Variants in PCDH15 observed in about 807,000 individuals in gnomAD.
PCDH15 encodes the protein protocadherin-15.
In PCDH15, 129 loss-of-function variants were observed where a neutral mutation model predicts 178.5. The ratio of observed to expected loss-of-function variants is 0.72; its 90% CI spans 0.63 to 0.84. The LOEUF is 0.84. PCDH15 is among the 40% of genes least tolerant of loss of function. PCDH15 has a pLI of 0.00. For synonymous variants in PCDH15, 800 were observed against 732.0 expected (o/e 1.09, Z -1.50); for missense variants, 2,230 against 2,099.9 (o/e 1.06, Z -1.21).
At chr10:54,407,535 T>G (rs922704763) in intron 3 of PCDH15, among the ~76,000 whole-genome samples, 1 of 152,072 alleles carries the variant, frequency 6.6e-6, no homozygotes, top group African/African-American at 2.4e-5. Context: ...TTTAAAACTC[T>G]TAAGCTAAAA....
chr10:54,975,785 A>G (rs1197105334), intron 2 of PCDH15, among the ~76,000 whole-genome samples: 12 of 152,174 alleles, frequency 7.9e-5, no homozygotes, highest in Admixed American at 7.9e-4. Flanking sequence ...AAAACACTGT[A>G]GAATAGAAAA....
At chr10:55,176,312 C>G (rs150287580) in intron 1 of PCDH15, among the ~76,000 whole-genome samples, 46 of 152,194 alleles carry the variant, frequency 3.0e-4, no homozygotes, top group African/African-American at 1.1e-3. Context: ...AAACTTAACT[C>G]CTCAGCTAGG....
At chr10:54,948,324 A>AT (rs1838242505) in intron 2 of PCDH15, among the ~76,000 whole-genome samples, 2 of 151,926 alleles carry the variant, frequency 1.3e-5, no homozygotes, top group Non-Finnish European at 2.9e-5. Flanking sequence ...ACAAGAGGAG[A>AT]TTCCCCTTAG....
chr10:55,080,575 C>T (rs535341486), intron 2 of PCDH15, among the ~76,000 whole-genome samples: 7 of 152,146 alleles, frequency 4.6e-5, no homozygotes, highest in African/African-American at 1.4e-4. Flanking sequence ...ATTATTTGGT[C>T]CCTGGCTGCT....
At chr10:55,143,522 A>T (rs115834026) in intron 2 of PCDH15, among the ~76,000 whole-genome samples, 3,140 of 152,184 alleles carry the variant, frequency 0.021, 120 homozygotes, top group African/African-American at 0.071. Flanking sequence ...TTCCTTTTGA[A>T]TTGAGAGTGT....
intron 2 of PCDH15, among the ~76,000 whole-genome samples, chr10:54,918,761 G>T (rs991021219): frequency 6.6e-6 from 1 of 152,060 alleles, no homozygotes; most frequent in African/African-American, 2.4e-5. Flanking sequence ...AGTATATATT[G>T]TTCTCCTTAG....
At chr10:54,293,203 ACAAG>A (rs2059534699) in intron 8 of PCDH15, among the ~76,000 whole-genome samples, 1 of 152,222 alleles carries the variant, frequency 6.6e-6, no homozygotes, top group African/African-American at 2.4e-5. Flanking sequence ...CCTGACAAAA[ACAAG>A]CAATGGGGAA....
intron 1 of PCDH15, among the ~76,000 whole-genome samples, chr10:55,177,892 C>T (rs1022932345): frequency 6.6e-6 from 1 of 152,080 alleles, no homozygotes; most frequent in African/African-American, 2.4e-5. Context: ...AACAAGAGAT[C>T]CATAAAGCAG....
rs117940849 is a variant in PCDH15, at chr10:55,171,871, G to A, written c.-155-5220C>T. 5.8e-3 allele frequency among the ~76,000 whole-genome samples: 873 copies of A among 151,424 alleles called. 5 individuals carry two copies. The highest frequency in any genetic ancestry group is 0.011 in the South Asian group (54 of 4,802). On this transcript the variant is annotated intron_variant, in intron 1 of 5. Coordinates refer to the PCDH15 transcript ENST00000458638. ...GAATGGCTAAATAGTAGTGATGTAC[G>A]CCAAACAATGTTCACATCAGCAGTA...
chr10:55,166,915 C>G (rs777226387), intron 1 of PCDH15, among the ~76,000 whole-genome samples: 15 of 152,040 alleles, frequency 9.9e-5, no homozygotes, highest in Non-Finnish European at 1.8e-4. Context: ...ATTCTTTACC[C>G]AGGAAATGAA....
chr10:54,746,917 T>G (rs187203913), intron 1 of PCDH15, among the ~76,000 whole-genome samples: 12 of 152,336 alleles, frequency 7.9e-5, no homozygotes, highest in Non-Finnish European at 1.8e-4. Context: ...TTACAATTTT[T>G]TGACTTTACA....
At chr10:55,295,108 G>T (rs1000736343) in intron 1 of PCDH15, among the ~76,000 whole-genome samples, 2 of 152,106 alleles carry the variant, frequency 1.3e-5, no homozygotes, top group Non-Finnish European at 1.5e-5. Context: ...ATATAAGAAA[G>T]TTTTGTGTCA....
chr10:55,363,516 C>T (rs1039328664), intron 2 of PCDH15, among the ~76,000 whole-genome samples: 3 of 152,174 alleles, frequency 2.0e-5, no homozygotes, highest in Non-Finnish European at 4.4e-5. Context: ...AGTAAGAACA[C>T]TGACCCACTA....
intron 3 of PCDH15, among the ~76,000 whole-genome samples, chr10:54,867,569 T>G (rs1283102647): frequency 6.6e-6 from 1 of 152,144 alleles, no homozygotes; most frequent in Non-Finnish European, 1.5e-5. Context: ...AGTTAGAATT[T>G]AACTTCAAAT....
At chr10:54,341,768 G>C (rs978000139) in intron 6 of PCDH15, among the ~76,000 whole-genome samples, 12 of 152,266 alleles carry the variant, frequency 7.9e-5, no homozygotes, top group Admixed American at 3.9e-4. Context: ...GGCTGAGGTG[G>C]TCTCAGATGG....
intron 2 of PCDH15, chr10:54,568,740 T>C (rs934150504): frequency 3.3e-5 from 5 of 152,158 alleles, no homozygotes; most frequent in Admixed American, 1.3e-4. Flanking sequence ...AATAATACAG[T>C]ATATCAAGTT....
Position 53,959,747 on chromosome 10 carries a change from G to A in PCDH15, c.3107C>T (p.Thr1036Ile), listed in dbSNP as rs1299754355. The part of the protein sequence containing the change: ...VLHPGEIPRF[T>I]QEEYRPPPVS... ...AAATCAATACCTATATTCCTCCTGT[G>A]TGAAGCGTGGGATCTCACCAGGATG... The change falls in exon 23 of 38, where the codon ACA becomes ATA. Residue 1036 changes from threonine to isoleucine, a missense_variant. By Grantham distance (89) the Thr-to-Ile change is moderately conservative. Coordinates refer to ENST00000644397, the MANE Select transcript of PCDH15 (RefSeq NM_001384140.1). 3.1e-6 allele frequency: 5 copies of A among 1,612,268 alleles called. No individual in the cohort carries two copies.
chr10:54,062,545 C>T (rs1013854780), intron 18 of PCDH15, among the ~76,000 whole-genome samples: 1 of 152,064 alleles, frequency 6.6e-6, no homozygotes, highest in African/African-American at 2.4e-5. Flanking sequence ...TGTGCAGAAT[C>T]AGTTAGATGC....
intron 2 of PCDH15, among the ~76,000 whole-genome samples, chr10:55,495,712 C>A (rs1054631589): frequency 5.3e-5 from 8 of 151,538 alleles, no homozygotes; most frequent in Non-Finnish European, 1.5e-5. Flanking sequence ...AACATATGAC[C>A]CATGAATTTC....
Sources: allele counts gnomAD v4.1 joint callset (sites outside exome capture counted in the v4.1 genomes callset), GRCh38; gene constraint gnomAD v4.1.1; transcripts MANE v1.5; gene names NCBI Gene and HGNC (gene_info 2026-07-23, HGNC 2026-07-21).